Variants in CDS2 observed in about 807,000 individuals in gnomAD.
CDS2 encodes CDP-diacylglycerol synthase 2, also known as phosphatidate cytidylyltransferase 2.
In CDS2, 47 loss-of-function variants were observed where a neutral mutation model predicts 59.0. The observed-to-expected ratio is 0.80, with a 90% CI of 0.63 to 1.02. The LOEUF is 1.02. CDS2 is among the 50% of genes least tolerant of loss of function. The probability of loss-of-function intolerance (pLI) is 0.00; values close to 1 mark genes in which losing one functional copy is unlikely to be tolerated. For missense variants in CDS2, 356 were observed against 558.9 expected (o/e 0.64, Z 3.66); for synonymous variants, 207 against 206.4 (o/e 1.00, Z -0.02).
At chr20:5,171,785 A>G (rs187136506) in intron 1 of CDS2, among the ~76,000 whole-genome samples, 2 of 152,314 alleles carry the variant, frequency 1.3e-5, no homozygotes, top group Admixed American at 1.3e-4. Context: ...ACGCCAAAGT[A>G]CAGAGGCACT....
At chr20:5,129,443 ATTTTTT>A (rs928515205) in intron 1 of CDS2, among the ~76,000 whole-genome samples, 4 of 122,108 alleles carry the variant, frequency 3.3e-5, no homozygotes, top group African/African-American at 1.3e-4. Flanking sequence ...CGCTCGGCTA[ATTTTTT>A]TTTTTTTTTT....
At chr20:5,132,186 C>T (rs1036042679) in intron 1 of CDS2, among the ~76,000 whole-genome samples, 10 of 152,012 alleles carry the variant, frequency 6.6e-5, no homozygotes, top group African/African-American at 1.9e-4. Context: ...CAGCCTCTGC[C>T]TCCTGGGTTC....
At chr20:5,146,029 CCTAGGCTGGTCT>C (rs1163958043) in intron 1 of CDS2, among the ~76,000 whole-genome samples, 1 of 151,980 alleles carries the variant, frequency 6.6e-6, no homozygotes, top group African/African-American at 2.4e-5. Context: ...CACTATGTTG[CCTAGGCTGGTCT>C]CAAACTCCTG....
intron 1 of CDS2, among the ~76,000 whole-genome samples, chr20:5,132,331 C>T (rs1434429744): frequency 1.1e-4 from 16 of 152,116 alleles, no homozygotes; most frequent in Admixed American, 1.0e-3. Context: ...CTCCTGACCT[C>T]AGGTGATCCA....
chr20:5,136,208 T>A (rs528504542), intron 1 of CDS2, among the ~76,000 whole-genome samples: 1 of 150,506 alleles, frequency 6.6e-6, no homozygotes, highest in African/African-American at 2.4e-5. Context: ...CTACAAGACA[T>A]TCCTAGGTGC....
In CDS2 at chr20:5,190,235, G is replaced by A. The variant is rs971821941; in HGVS notation, c.*1G>A. The stretch of plus-strand genomic sequence containing the variant: ...GACATCCACCACAGAGGACGAGTAG[G>A]GGCCACCCAGGGCCAGGAGAACAGG... On this transcript the variant is annotated 3_prime_UTR_variant, in exon 13 of 13. Transcript: ENST00000460006. The A allele has an allele frequency of 1.9e-6, 3 of 1,612,582 alleles. No homozygotes were observed. The highest frequency in any genetic ancestry group is 2.5e-6 in the Non-Finnish European group (3 of 1,179,184).
At chr20:5,141,338 C>T (rs1207251282) in intron 1 of CDS2, among the ~76,000 whole-genome samples, 1 of 152,154 alleles carries the variant, frequency 6.6e-6, no homozygotes, top group Non-Finnish European at 1.5e-5. Flanking sequence ...GCATGGTTGT[C>T]CATGCAATGT....
At chr20:5,168,417 CAAAA>C (rs71332877) in intron 1 of CDS2, among the ~76,000 whole-genome samples, 16 of 71,520 alleles carry the variant, frequency 2.2e-4, no homozygotes, top group African/African-American at 2.5e-4. Flanking sequence ...TCTGTCCCCC[CAAAA>C]AAAAAAAAAA....
intron 1 of CDS2, among the ~76,000 whole-genome samples, chr20:5,170,410 G>C (rs2123034214): frequency 6.6e-6 from 1 of 152,272 alleles, no homozygotes; most frequent in African/African-American, 2.4e-5. Context: ...TCTCCAAGCA[G>C]AATGCCTTTG....
chr20:5,189,236 C>G (rs767026820), intron 11 of CDS2, 50 bp downstream of exon 11: 47 of 1,610,676 alleles, frequency 2.9e-5, no homozygotes, highest in Non-Finnish European at 2.1e-5. Context: ...CACCCATCTT[C>G]TGCCTTTCTC....
intron 3 of CDS2, chr20:5,175,741 A>G (rs768393759): frequency 4.3e-5 from 7 of 163,782 alleles, no homozygotes; most frequent in Non-Finnish European, 7.9e-5. Flanking sequence ...AGCCGAGATC[A>G]TGCCACTGCA....
intron 1 of CDS2, among the ~76,000 whole-genome samples, chr20:5,129,914 A>G (rs2090590350): frequency 6.6e-6 from 1 of 151,460 alleles, no homozygotes; most frequent in South Asian, 2.1e-4. Context: ...CATTTTAAAA[A>G]CTGTGAAATC....
chr20:5,159,957 C>T (rs970216016), intron 1 of CDS2, among the ~76,000 whole-genome samples: 2 of 152,066 alleles, frequency 1.3e-5, no homozygotes, highest in African/African-American at 4.8e-5. Flanking sequence ...TGATTCAGTG[C>T]CCTTATGTTT....
At chr20:5,183,550 A>G (rs1235335814) in intron 7 of CDS2, among the ~76,000 whole-genome samples, 6 of 152,240 alleles carry the variant, frequency 3.9e-5, no homozygotes, top group Non-Finnish European at 7.3e-5. Flanking sequence ...TAGATCAGTA[A>G]CTGTAAATGA....
intron 1 of CDS2, among the ~76,000 whole-genome samples, chr20:5,162,710 T>C (rs2090884076): frequency 6.6e-6 from 1 of 151,952 alleles, no homozygotes; most frequent in African/African-American, 2.4e-5. Flanking sequence ...GAGAGTGTGG[T>C]AGGTCCAGAA....
rs1344544094 is a variant in CDS2 at position 5,189,737 on chromosome 20, C to T, written c.1104C>T (p.Asp368=). The change falls in exon 12 of 13, where the codon GAC becomes GAT. Residue 368 remains aspartate (D), a splice_region_variant and synonymous_variant. Transcript: ENST00000460006. ...CATCCTTCCCCTGCCTCTAACAGGA[C>T]TTTGCCAATACCATTCCTGGCCATG... The part of the protein sequence containing the change: ...SGFKRAFKIK[D]FANTIPGHGG... 4 of 1,613,196 alleles carry T rather than the reference C, an allele frequency of 2.5e-6. No individual in the cohort carries two copies. In the Admixed American group the frequency reaches 6.7e-5, roughly 27 times the overall value.
intron 1 of CDS2, among the ~76,000 whole-genome samples, chr20:5,139,452 G>GT (rs567446707): frequency 3.9e-4 from 60 of 152,346 alleles, no homozygotes; most frequent in Non-Finnish European, 6.3e-4. Flanking sequence ...AGTTCCAAGA[G>GT]TTTTTTGGTG....
chr20:5,132,899 G>A (rs1221088196), intron 1 of CDS2, among the ~76,000 whole-genome samples: 1 of 152,092 alleles, frequency 6.6e-6, no homozygotes, highest in African/African-American at 2.4e-5. Flanking sequence ...TCGGCCGGGC[G>A]CGGTGGCTCA....
chr20:5,194,666 A>T lies in CDS2; in HGVS notation c.*4432A>T, dbSNP rs532302464. ...GATTTTGAGGACATGCGGATGATTT[A>T]TGAGAATAGAGGGGCAGAGTTTGTG... On this transcript the variant is annotated 3_prime_UTR_variant, in exon 13 of 13. Transcript: ENST00000460006. 2.0e-5 allele frequency: 3 copies of T among 152,294 alleles called. No individual in the cohort carries two copies. The highest frequency in any genetic ancestry group is 4.4e-5 in the Non-Finnish European group (3 of 68,040). 9.4% of individuals were successfully genotyped at this position (152,294 alleles called of 1,614,324 possible).
Sources: allele counts gnomAD v4.1 joint callset (sites outside exome capture counted in the v4.1 genomes callset), GRCh38; gene constraint gnomAD v4.1.1; transcripts MANE v1.5; gene names NCBI Gene and HGNC (gene_info 2026-07-23, HGNC 2026-07-21).